Variants in GRK7 observed in about 807,000 individuals in gnomAD.
GRK7 encodes rhodopsin kinase GRK7.
In GRK7, 24 loss-of-function variants were observed where a neutral mutation model predicts 34.1. The ratio of observed to expected loss-of-function variants is 0.70; its 90% CI spans 0.51 to 0.99. The LOEUF (loss-of-function observed/expected upper bound fraction) is 0.99. Among genes scored for constraint, GRK7 ranks in the 50% least tolerant of loss-of-function variants. The pLI is 0.00. For missense variants in GRK7, 644 were observed against 707.3 expected (o/e 0.91, Z 1.02); for synonymous variants, 256 against 279.4 (o/e 0.92, Z 0.84).
rs1711159948 is a variant in GRK7 at position 141,816,870 on chromosome 3, G to T, written c.1482G>T (p.Gly494=). The change falls in exon 6 of 6, where the codon GGG becomes GGT. Residue 494 remains glycine (G), a synonymous_variant. Coordinates refer to ENST00000682958, the MANE Select transcript of GRK7 (RefSeq NM_139209.3). ...AEIDDFSEVR[G]VEFDDKDKQF... is the part of the protein sequence containing the mutation. ...TTGATGATTTCTCTGAGGTTCGGGG[G>T]GTGGAATTTGATGACAAAGATAAGC... 6.2e-7 allele frequency: 1 copy of T among 1,613,944 alleles called. No homozygotes were observed. The highest frequency in any genetic ancestry group is 1.3e-5 in the African/African-American group (1 of 74,898).
rs897022638 is a variant in GRK7 at position 141,818,800 on chromosome 3, G to A, written c.*1750G>A. On this transcript the variant is annotated 3_prime_UTR_variant, in exon 6 of 6. Coordinates refer to ENST00000682958, the MANE Select transcript of GRK7 (RefSeq NM_139209.3). The stretch of plus-strand genomic sequence containing the variant: ...AGGATTCAAGAGCTGCAAAAGTGCC[G>A]GTCAAAAAAATGTTGGTTAACTGGA... Among the ~76,000 whole-genome samples the A allele has an allele frequency of 2.7e-4, 41 of 152,080 alleles. No homozygotes were observed. The highest frequency in any genetic ancestry group is 7.0e-4 in the African/African-American group (29 of 41,402).
chr3:141,778,174 C>T lies in GRK7; in HGVS notation c.-111C>T. 2.2e-6 allele frequency: 3 copies of T among 1,371,812 alleles called. No homozygotes were observed. Among genetic ancestry groups the T allele is most frequent in the South Asian group, 2.8e-5 (2 of 70,184 alleles). The allele number at this position is 1,371,812 out of a possible 1,614,324, so 85.0% of individuals were successfully genotyped here. Reference sequence around the variant, plus strand: ...CCCTCCACGGGTCCCACCCACAGGCCACAGGACTCACTGTAAATCCCTTGG... The same window carrying T: ...CCCTCCACGGGTCCCACCCACAGGCTACAGGACTCACTGTAAATCCCTTGG... On this transcript the variant is annotated splice_region_variant and 5_prime_UTR_variant, in exon 3 of 6. Coordinates refer to ENST00000682958, the MANE Select transcript of GRK7 (RefSeq NM_139209.3). This position sits in a 1 kb window ranked among gnomAD's most constrained non-coding sequence, Gnocchi z 4.1.
chr3:141,776,307 T>TA (rs1157006251), intron 2 of GRK7, among the ~76,000 whole-genome samples: 80 of 151,430 alleles, frequency 5.3e-4, no homozygotes, highest in Middle Eastern at 3.4e-3. Flanking sequence ...TTAAAAAAAA[T>TA]AAAAAATATA....
chr3:141,770,112 A>G (rs1428917381), intron 1 of GRK7, among the ~76,000 whole-genome samples: 3 of 152,066 alleles, frequency 2.0e-5, no homozygotes, highest in Admixed American at 1.3e-4. Flanking sequence ...ACGGGGTTTC[A>G]CCACGTTGGC....
At chr3:141,787,168 G>T (rs376301471) in intron 4 of GRK7, among the ~76,000 whole-genome samples, 16 of 152,154 alleles carry the variant, frequency 1.1e-4, no homozygotes, top group East Asian at 5.8e-4. Context: ...AAAGAGCCCT[G>T]CCATGCTGTG....
At position 141,818,242 on chromosome 3, in the gene GRK7, G is replaced by A. The variant is rs1711172714; in HGVS notation, c.*1192G>A. Reference sequence around the variant, plus strand: ...CATGCCTGCAATTCCAGCACTTTGGGAGGCCAAGGCAGATGGATCATGAGG... The same window carrying A: ...CATGCCTGCAATTCCAGCACTTTGGAAGGCCAAGGCAGATGGATCATGAGG... On this transcript the variant is annotated 3_prime_UTR_variant, in exon 6 of 6. Coordinates refer to ENST00000682958, the MANE Select transcript of GRK7 (RefSeq NM_139209.3). The A allele has an allele frequency of 6.6e-6, 1 of 152,250 alleles. No homozygotes were observed. Among genetic ancestry groups the A allele is most frequent in the African/African-American group, 2.4e-5 (1 of 41,442 alleles). The allele number at this position is 152,250 out of a possible 1,614,324, so 9.4% of individuals were successfully genotyped here. A position where few individuals can be genotyped will look rare whatever the true frequency, so the allele number is the denominator to read the frequency against.
chr3:141,791,848 A>T (rs1465118669), intron 4 of GRK7, among the ~76,000 whole-genome samples: 14 of 151,354 alleles, frequency 9.2e-5, no homozygotes, highest in Admixed American at 5.9e-4. Flanking sequence ...TACTAAAAAT[A>T]CAAAAATTAG....
chr3:141,816,069 A>T (rs188241367), intron 5 of GRK7, among the ~76,000 whole-genome samples: 41 of 152,338 alleles, frequency 2.7e-4, no homozygotes, highest in Admixed American at 2.0e-4. Flanking sequence ...GAGGTTACAC[A>T]GTTGGGAACA....
chr3:141,756,195 C>T, the GRK7 span, among the ~76,000 whole-genome samples: 1 of 151,984 alleles, frequency 6.6e-6, no homozygotes, highest in Non-Finnish European at 1.5e-5. Context: ...GCCTGTGATC[C>T]TAGCTACTCA....
intron 4 of GRK7, among the ~76,000 whole-genome samples, chr3:141,790,983 A>G (rs1348637051): frequency 6.6e-6 from 1 of 152,234 alleles, no homozygotes; most frequent in Non-Finnish European, 1.5e-5. Flanking sequence ...TAATAGGAAT[A>G]TTGGGGAGTG....
intron 5 of GRK7, among the ~76,000 whole-genome samples, chr3:141,815,459 C>T (rs796603661): frequency 1.3e-4 from 20 of 152,106 alleles, no homozygotes; most frequent in African/African-American, 4.8e-4. Context: ...GAATCTGATG[C>T]CACAAAACAG....
chr3:141,815,035 T>C (rs1711136500), intron 5 of GRK7, among the ~76,000 whole-genome samples: 1 of 150,728 alleles, frequency 6.6e-6, no homozygotes, highest in Non-Finnish European at 1.5e-5. Flanking sequence ...AGCAATTCTC[T>C]TGCCTCAGCC....
At chr3:141,777,845 G>T (rs1025102955) in intron 2 of GRK7, among the ~76,000 whole-genome samples, 2 of 152,222 alleles carry the variant, frequency 1.3e-5, no homozygotes, top group East Asian at 1.9e-4. Flanking sequence ...ATTCCTAGGA[G>T]TTTACATAGC....
Position 141,789,656 on chromosome 3 carries a change from C to A in GRK7, c.1050+8845C>A, listed in dbSNP as rs1354758241. On this transcript the variant is annotated intron_variant, in intron 4 of 5. Transcript: ENST00000682958. ...AGATGGGGACTGGATGCCAAATGGG[C>A]AAAAAAAAAAAAAACACAAAACAGT... 9.5e-3 allele frequency among the ~76,000 whole-genome samples: 1,136 copies of A among 119,206 alleles called. 9 individuals carry two copies. Among genetic ancestry groups the A allele is most frequent in the Non-Finnish European group, 0.012 (714 of 57,282 alleles). The allele number at this position is 119,206 out of a possible 152,430, so 78.2% of individuals were successfully genotyped here.
chr3:141,797,291 G>A (rs1710897173), intron 4 of GRK7, among the ~76,000 whole-genome samples: 1 of 152,172 alleles, frequency 6.6e-6, no homozygotes, highest in Non-Finnish European at 1.5e-5. Context: ...GGGCAGGAGC[G>A]GCCTCCGCGC....
At position 141,806,728 on chromosome 3, in the gene GRK7, G is replaced by A. The variant is rs189405274; in HGVS notation, c.1051-917G>A. On this transcript the variant is annotated intron_variant, in intron 4 of 5. Transcript: ENST00000682958. ...GAAAGTAAAATGGTGGTTGCCTGGC[G>A]TTGAGGGGAGGAAGAATGGCAAGTT... is the stretch of plus-strand genomic sequence containing the variant. Among the ~76,000 whole-genome samples the A allele has an allele frequency of 4.4e-4, 67 of 152,152 alleles. 1 individual carries two copies. Among genetic ancestry groups the A allele is most frequent in the East Asian group, 2.1e-3 (11 of 5,188 alleles).
intron 5 of GRK7, among the ~76,000 whole-genome samples, chr3:141,815,226 G>T (rs891193941): frequency 3.8e-4 from 40 of 104,326 alleles, no homozygotes; most frequent in African/African-American, 1.5e-3. Flanking sequence ...TGTCTGGTTG[G>T]TTTTTTTTGT....
chr3:141,801,950 C>G (rs980359096), intron 4 of GRK7, among the ~76,000 whole-genome samples: 1 of 151,690 alleles, frequency 6.6e-6, no homozygotes, highest in Non-Finnish European at 1.5e-5. Context: ...CCCCCTATGC[C>G]CCTCAAAAAG....
At chr3:141,768,096 A>G (rs1349611486) in intron 1 of GRK7, among the ~76,000 whole-genome samples, 3 of 152,056 alleles carry the variant, frequency 2.0e-5, no homozygotes, top group Non-Finnish European at 2.9e-5. Flanking sequence ...CTACCTGTGG[A>G]GCGGCCTCTA....
Sources: allele counts gnomAD v4.1 joint callset (sites outside exome capture counted in the v4.1 genomes callset), GRCh38; gene constraint gnomAD v4.1.1; non-coding constraint Gnocchi (gnomAD v3.1); transcripts MANE v1.5; gene names NCBI Gene and HGNC (gene_info 2026-07-23, HGNC 2026-07-21).